Variants in PIP4K2A observed in about 807,000 individuals in gnomAD.
The protein encoded by PIP4K2A is phosphatidylinositol 5-phosphate 4-kinase type-2 alpha.
Under a neutral mutation model 42.9 loss-of-function variants are expected in PIP4K2A, and 14 were observed. That is an observed-to-expected ratio of 0.33 (90% confidence interval 0.22 to 0.51). The LOEUF is 0.51. Ranked by LOEUF, PIP4K2A falls within the 20% of genes least tolerant of loss-of-function variation. The pLI is 0.97. For synonymous variants in PIP4K2A, 192 were observed against 192.2 expected (o/e 1.00, Z 0.01); for missense variants, 434 against 519.8 (o/e 0.83, Z 1.61).
intron 4 of PIP4K2A, among the ~76,000 whole-genome samples, chr10:22,587,028 C>T (rs1026402349): frequency 6.6e-6 from 1 of 152,196 alleles, no homozygotes; most frequent in Non-Finnish European, 1.5e-5. Context: ...GGCTGGCTGG[C>T]TCCAAGTCCT....
chr10:22,605,502 T>C (rs895750471), intron 3 of PIP4K2A, among the ~76,000 whole-genome samples: 9 of 152,234 alleles, frequency 5.9e-5, no homozygotes, highest in South Asian at 2.1e-4. Context: ...AGCAACTAAA[T>C]TGGTCATTTG....
At chr10:22,567,585 T>G in intron 6 of PIP4K2A, 1 of 690,470 alleles carries the variant, frequency 1.4e-6, no homozygotes, top group Non-Finnish European at 2.7e-6. Flanking sequence ...CAGGTGGCTG[T>G]GTTTTTCAAG....
intron 6 of PIP4K2A, among the ~76,000 whole-genome samples, chr10:22,554,245 ATCTC>A (rs1836480016): frequency 6.6e-6 from 1 of 152,226 alleles, no homozygotes; most frequent in Non-Finnish European, 1.5e-5. Flanking sequence ...ATTTCAATAT[ATCTC>A]TCTGATAATG....
chr10:22,607,854 T>A (rs752623818), intron 3 of PIP4K2A, 73 bp downstream of exon 3: 2 of 858,846 alleles, frequency 2.3e-6, no homozygotes, highest in Admixed American at 2.1e-5. Flanking sequence ...AAAATACAGA[T>A]CCCAATTGAC....
chr10:22,619,439 C>CCTT (rs1554802331), intron 1 of PIP4K2A, among the ~76,000 whole-genome samples: 1 of 137,508 alleles, frequency 7.3e-6, no homozygotes, highest in African/African-American at 2.8e-5. Flanking sequence ...TTTCTTTTTT[C>CCTT]TTTTTTTTTT....
At chr10:22,675,946 CTG>C (rs1231411483) in intron 1 of PIP4K2A, among the ~76,000 whole-genome samples, 1 of 152,164 alleles carries the variant, frequency 6.6e-6, no homozygotes, top group Non-Finnish European at 1.5e-5. Context: ...ACTTTGGAAA[CTG>C]TGGCTAGTAT....
chr10:22,626,133 G>A (rs1364166348), intron 1 of PIP4K2A, among the ~76,000 whole-genome samples: 2 of 152,134 alleles, frequency 1.3e-5, no homozygotes, highest in African/African-American at 4.8e-5. Context: ...CCAGGAGCCT[G>A]CAAAAACTAT....
At chr10:22,586,031 C>T (rs58483189) in intron 4 of PIP4K2A, among the ~76,000 whole-genome samples, 10,279 of 152,176 alleles carry the variant, frequency 0.068, 1,127 homozygotes, top group African/African-American at 0.23. Flanking sequence ...AGGTTTTTTA[C>T]CATTTTTTCC....
intron 6 of PIP4K2A, among the ~76,000 whole-genome samples, chr10:22,566,016 C>T (rs572457897): frequency 6.6e-6 from 1 of 152,130 alleles, no homozygotes; most frequent in Non-Finnish European, 1.5e-5. Context: ...ACAGTGGTGC[C>T]CGAAACTTCA....
intron 1 of PIP4K2A, among the ~76,000 whole-genome samples, chr10:22,695,943 C>G (rs72816866): frequency 6.6e-5 from 10 of 152,126 alleles, no homozygotes; most frequent in African/African-American, 2.2e-4. Flanking sequence ...TTCTTCCCCC[C>G]ACTCATCTCA....
At chr10:22,680,135 C>CA (rs1839631517) in intron 1 of PIP4K2A, among the ~76,000 whole-genome samples, 1 of 151,632 alleles carries the variant, frequency 6.6e-6, no homozygotes, top group Admixed American at 6.6e-5. Flanking sequence ...AACCTAGAAA[C>CA]AAAAAATGAA....
chr10:22,624,948 T>C (rs1838405668), intron 1 of PIP4K2A, among the ~76,000 whole-genome samples: 1 of 152,248 alleles, frequency 6.6e-6, no homozygotes, highest in African/African-American at 2.4e-5. Flanking sequence ...CCAGAGAGTT[T>C]CAAACCCATT....
At chr10:22,578,023 T>C (rs1164307301) in intron 4 of PIP4K2A, among the ~76,000 whole-genome samples, 1 of 152,236 alleles carries the variant, frequency 6.6e-6, no homozygotes, top group Non-Finnish European at 1.5e-5. Flanking sequence ...CAGAGAAGCA[T>C]ATCAAAGTAT....
At chr10:22,537,323 T>C (rs934021483) in intron 9 of PIP4K2A, 42 bp from the exon 10 acceptor site, 23 of 1,443,966 alleles carry the variant, frequency 1.6e-5, no homozygotes, top group Non-Finnish European at 2.1e-5. Context: ...ATAGTGTTTA[T>C]GATTTCCCCA....
intron 4 of PIP4K2A, among the ~76,000 whole-genome samples, chr10:22,580,045 G>C (rs1837227024): frequency 6.6e-6 from 1 of 151,930 alleles, no homozygotes; most frequent in Non-Finnish European, 1.5e-5. Context: ...GAGGGGTGGA[G>C]AGGGCAAAGG....
At chr10:22,658,066 G>C (rs533692363) in intron 1 of PIP4K2A, among the ~76,000 whole-genome samples, 11 of 152,228 alleles carry the variant, frequency 7.2e-5, no homozygotes, top group African/African-American at 2.6e-4. Flanking sequence ...TAAGCAATCA[G>C]CTATGAATAA....
intron 6 of PIP4K2A, among the ~76,000 whole-genome samples, chr10:22,555,682 T>G (rs766504052): frequency 1.3e-5 from 2 of 152,082 alleles, no homozygotes; most frequent in Non-Finnish European, 2.9e-5. Context: ...TGCCTGGCAA[T>G]AGTAACTTGC....
intron 1 of PIP4K2A, among the ~76,000 whole-genome samples, chr10:22,633,681 G>A (rs971600056): frequency 7.2e-5 from 11 of 152,020 alleles, no homozygotes; most frequent in Non-Finnish European, 1.5e-4. Flanking sequence ...ATTCCTTCTC[G>A]CCACACCCAG....
At chr10:22,608,784 G>A (rs1224415861) in intron 2 of PIP4K2A, among the ~76,000 whole-genome samples, 1 of 152,164 alleles carries the variant, frequency 6.6e-6, no homozygotes, top group Non-Finnish European at 1.5e-5. Context: ...GGCTCAGGAA[G>A]GGGGATTGCT....
Sources: allele counts gnomAD v4.1 joint callset (sites outside exome capture counted in the v4.1 genomes callset), GRCh38; gene constraint gnomAD v4.1.1; transcripts MANE v1.5; gene names NCBI Gene and HGNC (gene_info 2026-07-23, HGNC 2026-07-21).